AK5: variants seen among roughly 807,000 people sequenced by gnomAD.
AK5 encodes the protein adenylate kinase 5.
A neutral mutation model predicts 69.5 loss-of-function variants in AK5; 27 were observed. That is an observed-to-expected ratio of 0.39 (90% CI 0.29 to 0.54). AK5 has a LOEUF of 0.54. AK5 is among the 20% of genes least tolerant of loss of function. The pLI, the probability that AK5 is intolerant of heterozygous loss-of-function variation, is 0.71. For synonymous variants in AK5, 260 were observed against 244.4 expected, an observed-to-expected ratio of 1.06 and a Z score of -0.60; for missense variants, 531 against 700.4, an observed-to-expected ratio of 0.76 and a Z score of 2.73.
At chr1:77,555,912 AAG>A (rs1660074023) in intron 13 of AK5, among the ~76,000 whole-genome samples, 1 of 152,260 alleles carries the variant, frequency 6.6e-6, no homozygotes, top group South Asian at 2.1e-4. Flanking sequence ...GAAAAGAAGA[AAG>A]AAGTAAAGCA....
intron 8 of AK5, among the ~76,000 whole-genome samples, chr1:77,476,193 G>A (rs1654926727): frequency 6.6e-6 from 1 of 152,112 alleles, no homozygotes; most frequent in Non-Finnish European, 1.5e-5. Flanking sequence ...ACCTCTAATT[G>A]TGTAGTTCAG....
intron 6 of AK5, among the ~76,000 whole-genome samples, chr1:77,345,182 T>C (rs372178196): frequency 6.6e-6 from 1 of 152,172 alleles, no homozygotes; most frequent in African/African-American, 2.4e-5. Flanking sequence ...CACATTTAGC[T>C]TTAGACTGTG....
chr1:77,556,180 C>T (rs1660094347), intron 13 of AK5, among the ~76,000 whole-genome samples: 1 of 152,122 alleles, frequency 6.6e-6, no homozygotes, highest in Admixed American at 6.5e-5. Context: ...CTCATGTAAC[C>T]ACCATGCAGG....
intron 8 of AK5, among the ~76,000 whole-genome samples, chr1:77,480,866 A>G (rs949981263): frequency 6.6e-6 from 1 of 152,238 alleles, no homozygotes; most frequent in Non-Finnish European, 1.5e-5. Context: ...TTTTTCCCCT[A>G]GAAGCAGAGC....
At chr1:77,384,014 C>T (rs958294859) in intron 6 of AK5, among the ~76,000 whole-genome samples, 2 of 151,938 alleles carry the variant, frequency 1.3e-5, no homozygotes, top group African/African-American at 4.8e-5. Flanking sequence ...AATAAAACCA[C>T]CATGAATATG....
At chr1:77,539,624 C>T (rs1223183062) in intron 13 of AK5, among the ~76,000 whole-genome samples, 8 of 152,144 alleles carry the variant, frequency 5.3e-5, no homozygotes, top group Admixed American at 3.3e-4. Context: ...GTGACAAGAG[C>T]GGGGACTGCA....
At chr1:77,487,886 G>A (rs546342766) in intron 10 of AK5, among the ~76,000 whole-genome samples, 4 of 152,336 alleles carry the variant, frequency 2.6e-5, no homozygotes, top group African/African-American at 9.6e-5. Flanking sequence ...TCACAGAGCT[G>A]CCATCTTAGA....
At chr1:77,385,849 G>A (rs972165058) in intron 6 of AK5, among the ~76,000 whole-genome samples, 2 of 152,106 alleles carry the variant, frequency 1.3e-5, no homozygotes, top group African/African-American at 2.4e-5. Flanking sequence ...AACCATAGGA[G>A]GTGAAAAGTG....
chr1:77,431,139 GC>G (rs1651611925), intron 8 of AK5, among the ~76,000 whole-genome samples: 1 of 152,162 alleles, frequency 6.6e-6, no homozygotes, highest in Non-Finnish European at 1.5e-5. Flanking sequence ...CAGAGGCAAA[GC>G]CATCTGTTGA....
chr1:77,539,667 C>T (rs1014901505), intron 13 of AK5, among the ~76,000 whole-genome samples: 25 of 152,146 alleles, frequency 1.6e-4, no homozygotes, highest in Admixed American at 6.6e-4. Context: ...GATTGTTTGC[C>T]GCTGGAGAGG....
chr1:77,315,123 C>T (rs1033526527), intron 5 of AK5: 5 of 152,014 alleles, frequency 3.3e-5, no homozygotes, highest in Non-Finnish European at 5.9e-5. Context: ...ATTTAGGTAG[C>T]TGAATATTTT....
At chr1:77,520,942 G>A (rs1170988138) in intron 11 of AK5, among the ~76,000 whole-genome samples, 3 of 152,100 alleles carry the variant, frequency 2.0e-5, no homozygotes, top group African/African-American at 4.8e-5. Flanking sequence ...AGCTGATTGC[G>A]TTTTTCCTCT....
chr1:77,533,907 T>C (rs558586624), intron 12 of AK5, among the ~76,000 whole-genome samples: 23 of 151,914 alleles, frequency 1.5e-4, no homozygotes, highest in African/African-American at 5.3e-4. Flanking sequence ...GTCATTTTTT[T>C]CCTAAACCCT....
chr1:77,296,519 T>G (rs1659015116), intron 3 of AK5, among the ~76,000 whole-genome samples: 1 of 152,110 alleles, frequency 6.6e-6, no homozygotes. Flanking sequence ...TTCTTGAAAG[T>G]ACAATAACAT....
chr1:77,387,181 G>T (rs1648094033), intron 6 of AK5, among the ~76,000 whole-genome samples: 1 of 152,196 alleles, frequency 6.6e-6, no homozygotes, highest in African/African-American at 2.4e-5. Flanking sequence ...GGCAAGATCA[G>T]CCTGCTGGTA....
At chr1:77,305,761 G>A (rs932359537) in intron 5 of AK5, among the ~76,000 whole-genome samples, 1 of 152,288 alleles carries the variant, frequency 6.6e-6, no homozygotes, top group East Asian at 1.9e-4. Context: ...AGTATAATTT[G>A]AAGTCAGGTA....
intron 2 of AK5, among the ~76,000 whole-genome samples, chr1:77,292,108 G>GGA (rs1658719282): frequency 6.6e-6 from 1 of 152,176 alleles, no homozygotes; most frequent in Non-Finnish European, 1.5e-5. Flanking sequence ...TAGTAGAGAT[G>GGA]GAGAGAAGCA....
chr1:77,367,557 T>TTATA (rs1173494472), intron 6 of AK5, among the ~76,000 whole-genome samples: 2 of 59,378 alleles, frequency 3.4e-5, no homozygotes, highest in African/African-American at 1.8e-4. Flanking sequence ...TATGTTATTT[T>TTATA]TATATATATA....
At chr1:77,497,075 G>C in intron 10 of AK5, among the ~76,000 whole-genome samples, 1 of 152,210 alleles carries the variant, frequency 6.6e-6, no homozygotes, top group Non-Finnish European at 1.5e-5. Flanking sequence ...TGCTGCTGCT[G>C]ATCACTTTTT....
Sources: gnomAD v4.1 joint callset for allele counts (sites outside exome capture counted in the v4.1 genomes callset) on GRCh38, gnomAD v4.1.1 for gene constraint, MANE v1.5 for transcripts, NCBI Gene and HGNC (gene_info 2026-07-23, HGNC 2026-07-21) for gene names.